Variants in GRID2 observed in about 807,000 individuals in gnomAD.
GRID2 encodes the protein glutamate ionotropic receptor delta type subunit 2.
A neutral mutation model predicts 114.8 loss-of-function variants in GRID2; 33 were observed. The observed-to-expected ratio is 0.29, with a 90% CI of 0.22 to 0.38. The LOEUF is 0.38. Among genes scored for constraint, GRID2 ranks in the 10% least tolerant of loss-of-function variants. The pLI is 1.00. For missense variants in GRID2, 1,184 were observed against 1,257.7 expected (o/e 0.94, Z 0.89); for synonymous variants, 505 against 449.9 (o/e 1.12, Z -1.55).
intron 13 of GRID2, among the ~76,000 whole-genome samples, chr4:93,544,354 A>T (rs1238668685): frequency 1.3e-5 from 2 of 152,208 alleles, no homozygotes; most frequent in Admixed American, 1.3e-4. Flanking sequence ...ATATGTCCTG[A>T]TCCACCACAA....
intron 13 of GRID2, among the ~76,000 whole-genome samples, chr4:93,534,605 G>T (rs184997366): frequency 2.6e-5 from 4 of 152,118 alleles, no homozygotes; most frequent in African/African-American, 7.2e-5. Context: ...ATAACTAATT[G>T]TTGAAAAATA....
intron 2 of GRID2, among the ~76,000 whole-genome samples, chr4:92,610,761 T>G (rs1449285195): frequency 6.6e-6 from 1 of 151,630 alleles, no homozygotes; most frequent in African/African-American, 2.4e-5. Context: ...CAACCACGAA[T>G]TGTTTCTATA....
At chr4:92,617,471 G>A (rs1009644998) in intron 2 of GRID2, among the ~76,000 whole-genome samples, 2 of 151,626 alleles carry the variant, frequency 1.3e-5, no homozygotes, top group Non-Finnish European at 2.9e-5. Context: ...AGAACATGCA[G>A]TGTTTTACTT....
intron 1 of GRID2, among the ~76,000 whole-genome samples, chr4:92,318,090 A>G (rs770015817): frequency 1.6e-4 from 25 of 152,144 alleles, no homozygotes; most frequent in Middle Eastern, 3.4e-3. Flanking sequence ...ATTATAGACC[A>G]TGAAGAGGAA....
chr4:92,581,583 A>C (rs370481636), intron 1 of GRID2, among the ~76,000 whole-genome samples: 1 of 152,032 alleles, frequency 6.6e-6, no homozygotes, highest in Non-Finnish European at 1.5e-5. Flanking sequence ...AGGCTAAGAA[A>C]AGGGTCTTGT....
intron 8 of GRID2, among the ~76,000 whole-genome samples, chr4:93,389,470 AC>A (rs776683671): frequency 2.0e-4 from 30 of 152,142 alleles, no homozygotes; most frequent in Non-Finnish European, 3.5e-4. Flanking sequence ...TTCAGCTTGA[AC>A]TGGAGAACCA....
intron 2 of GRID2, among the ~76,000 whole-genome samples, chr4:92,797,071 C>G: frequency 6.6e-6 from 1 of 151,920 alleles, no homozygotes; most frequent in East Asian, 1.9e-4. Flanking sequence ...ACAACCACAG[C>G]TCCAGGCCTC....
intron 10 of GRID2, among the ~76,000 whole-genome samples, chr4:93,434,426 G>A (rs1720866914): frequency 6.6e-6 from 1 of 151,914 alleles, no homozygotes; most frequent in Admixed American, 6.6e-5. Context: ...TTGTGCACAT[G>A]TACCCTAGAA....
chr4:93,727,346 A>C (rs1730016558), intron 14 of GRID2, among the ~76,000 whole-genome samples: 1 of 152,116 alleles, frequency 6.6e-6, no homozygotes, highest in African/African-American at 2.4e-5. Context: ...CCACTTGATC[A>C]TGGTGGATAA....
At chr4:93,377,938 C>T (rs1324963334) in intron 8 of GRID2, among the ~76,000 whole-genome samples, 1 of 151,976 alleles carries the variant, frequency 6.6e-6, no homozygotes, top group African/African-American at 2.4e-5. Context: ...TATATCTTGA[C>T]TTATGTCTAT....
intron 8 of GRID2, among the ~76,000 whole-genome samples, chr4:93,287,376 T>C (rs1483339882): frequency 6.6e-6 from 1 of 152,164 alleles, no homozygotes; most frequent in South Asian, 2.1e-4. Context: ...GGAGCCTCAC[T>C]TTAGGCAGGT....
intron 2 of GRID2, among the ~76,000 whole-genome samples, chr4:92,685,763 T>C (rs983574725): frequency 2.6e-5 from 4 of 152,050 alleles, no homozygotes; most frequent in African/African-American, 4.8e-5. Flanking sequence ...TTAGAATCTC[T>C]CATCTTTATA....
intron 8 of GRID2, among the ~76,000 whole-genome samples, chr4:93,243,823 G>T (rs1747821277): frequency 6.6e-6 from 1 of 151,908 alleles, no homozygotes; most frequent in Non-Finnish European, 1.5e-5. Flanking sequence ...TTAGCAGATG[G>T]TATATCAACA....
intron 2 of GRID2, among the ~76,000 whole-genome samples, chr4:92,610,058 C>T (rs539859572): frequency 6.6e-6 from 1 of 151,646 alleles, no homozygotes; most frequent in Admixed American, 6.6e-5. Context: ...TTTATGGTCC[C>T]CCAAATAAGA....
intron 14 of GRID2, among the ~76,000 whole-genome samples, chr4:93,656,108 T>C (rs1722967516): frequency 1.3e-5 from 2 of 151,880 alleles, no homozygotes; most frequent in South Asian, 4.1e-4. Flanking sequence ...ATTAACAATT[T>C]TATTAAAATA....
At chr4:92,597,359 A>T (rs548820032) in intron 2 of GRID2, among the ~76,000 whole-genome samples, 1 of 152,132 alleles carries the variant, frequency 6.6e-6, no homozygotes, top group African/African-American at 2.4e-5. Flanking sequence ...TTGATATCAT[A>T]CTCTTGAAGT....
At chr4:93,541,388 T>G (rs1446941511) in intron 13 of GRID2, among the ~76,000 whole-genome samples, 1 of 152,170 alleles carries the variant, frequency 6.6e-6, no homozygotes, top group African/African-American at 2.4e-5. Context: ...AGGGTACAAG[T>G]GTATTCTACT....
chr4:93,057,616 G>A (rs774538356), intron 2 of GRID2, among the ~76,000 whole-genome samples: 16 of 151,786 alleles, frequency 1.1e-4, no homozygotes, highest in Non-Finnish European at 1.5e-4. Context: ...CCTTGAGGAG[G>A]GCTTCCTTAA....
At chr4:92,899,101 C>G (rs985818413) in intron 2 of GRID2, among the ~76,000 whole-genome samples, 1 of 151,932 alleles carries the variant, frequency 6.6e-6, no homozygotes, top group Non-Finnish European at 1.5e-5. Context: ...GACAGAGTAG[C>G]ATTTTGAAAA....
Sources: allele counts gnomAD v4.1 joint callset (sites outside exome capture counted in the v4.1 genomes callset), GRCh38; gene constraint gnomAD v4.1.1; transcripts MANE v1.5; gene names NCBI Gene and HGNC (gene_info 2026-07-23, HGNC 2026-07-21).